The following HIVEP1 variants were observed in gnomAD, a reference collection of about 807,000 sequenced individuals.
HIVEP1 encodes the protein zinc finger protein 40.
Under a neutral mutation model 180.0 loss-of-function variants are expected in HIVEP1, and 36 were observed. The observed-to-expected ratio is 0.20, with a 90% CI of 0.15 to 0.26. The LOEUF is 0.26. Ranked by LOEUF, HIVEP1 falls within the 10% of genes least tolerant of loss-of-function variation. The pLI is 1.00. For synonymous variants in HIVEP1, 1,239 were observed against 1,239.0 expected (o/e 1.00, Z 0.00); for missense variants, 3,143 against 3,268.7 (o/e 0.96, Z 0.94).
chr6:12,038,746 A>C (rs9366948), intron 2 of HIVEP1: 28,463 of 152,436 alleles, frequency 0.19, 2,794 homozygotes, highest in Middle Eastern at 0.34. Context: ...ACCACCACCA[A>C]CAACAACAAC....
At position 12,161,664 on chromosome 6, in the gene HIVEP1, T is replaced by C. The variant is rs558633997; in HGVS notation, c.6713T>C (p.Phe2238Ser). The change falls in exon 8 of 9, where the codon TTT (phenylalanine) becomes TCT (serine). Residue 2238 changes from phenylalanine (F) to serine (S), a missense_variant. Phe to Ser is a radical substitution (Grantham distance 155). Coordinates refer to ENST00000379388, the MANE Select transcript of HIVEP1 (RefSeq NM_002114.4). Reference protein sequence around the residue: ...TDEDVRITDCFSGVHTDPMDV... With the variant: ...TDEDVRITDCSSGVHTDPMDV... Reference sequence around the variant, plus strand: ...GAGGATGTCAGGATCACCGATTGCTTTTCTGGGGTACACACGGACCCAATG... The same window carrying C: ...GAGGATGTCAGGATCACCGATTGCTCTTCTGGGGTACACACGGACCCAATG... The C allele has an allele frequency of 3.1e-6, 5 of 1,614,156 alleles. No homozygotes were observed. Among genetic ancestry groups the C allele is most frequent in the South Asian group, 2.2e-5 (2 of 91,080 alleles).
At chr6:12,160,033 T>C (rs897089241) in intron 7 of HIVEP1, among the ~76,000 whole-genome samples, 1 of 152,218 alleles carries the variant, frequency 6.6e-6, no homozygotes, top group Non-Finnish European at 1.5e-5. Context: ...TCTGTTTACA[T>C]GTTTGTCTCT....
the HIVEP1 span, among the ~76,000 whole-genome samples, chr6:12,192,651 G>A: frequency 6.6e-6 from 1 of 152,068 alleles, no homozygotes; most frequent in Non-Finnish European, 1.5e-5. Context: ...ATGTGAAGAC[G>A]CGCTTGCTTC....
At chr6:12,049,635 T>C (rs1770371961) in intron 2 of HIVEP1, among the ~76,000 whole-genome samples, 1 of 152,206 alleles carries the variant, frequency 6.6e-6, no homozygotes, top group Non-Finnish European at 1.5e-5. Flanking sequence ...GTCTGCTTGC[T>C]CAGATAATAA....
At chr6:12,082,813 A>G (rs191794401) in intron 2 of HIVEP1, among the ~76,000 whole-genome samples, 129 of 152,248 alleles carry the variant, frequency 8.5e-4, no homozygotes, top group African/African-American at 2.9e-3. Flanking sequence ...GAGTATCCTT[A>G]GTGCCGGCAC....
the HIVEP1 span, among the ~76,000 whole-genome samples, chr6:12,186,875 G>A: frequency 6.7e-6 from 1 of 148,982 alleles, no homozygotes; most frequent in Non-Finnish European, 1.5e-5. Flanking sequence ...ATTAAAAGAA[G>A]AGCATGAGCA....
At chr6:12,176,842 T>C in the HIVEP1 span, among the ~76,000 whole-genome samples, 1 of 152,224 alleles carries the variant, frequency 6.6e-6, no homozygotes, top group Non-Finnish European at 1.5e-5. Context: ...TTAGATCCCA[T>C]TTGTCAATTT....
intron 8 of HIVEP1, among the ~76,000 whole-genome samples, chr6:12,162,222 T>TA (rs67198436): frequency 0.098 from 14,346 of 145,990 alleles, 988 homozygotes; most frequent in African/African-American, 0.19. Context: ...TTTTTGAAAT[T>TA]AAAAAAAAAA....
In HIVEP1 at chr6:12,121,449, G is replaced by A. The variant is rs1757651117; in HGVS notation, c.1654G>A (p.Ala552Thr). 6.2e-7 allele frequency: 1 copy of A among 1,614,160 alleles called. No individual in the cohort carries two copies. ...TGACTTTTTGCTACAGGACAGATCTGCAGAATCACAAGCTGTGACAGAGTT... is the reference window on the plus strand; with the variant it reads ...TGACTTTTTGCTACAGGACAGATCTACAGAATCACAAGCTGTGACAGAGTT... ...IGDFLLQDRS[A>T]ESQAVTELPK... The change falls in exon 4 of 9, where the codon GCA becomes ACA. Residue 552 changes from alanine to threonine, a missense_variant. By Grantham distance (58) the Ala-to-Thr change is moderately conservative (BLOSUM62 0). Around this residue, in one of 12 missense-constraint regions of HIVEP1, gnomAD observed 365 missense variants for 344.4 expected, o/e 1.06. Coordinates refer to ENST00000379388, the MANE Select transcript of HIVEP1 (RefSeq NM_002114.4). The surrounding 1 kb of genome is among the most constrained non-coding windows in gnomAD (Gnocchi z 5.3).
intron 3 of HIVEP1, among the ~76,000 whole-genome samples, chr6:12,106,083 C>T (rs1462908129): frequency 2.0e-5 from 3 of 151,472 alleles, no homozygotes; most frequent in East Asian, 1.9e-4. Flanking sequence ...TACACACACA[C>T]ATATATACAT....
intron 2 of HIVEP1, among the ~76,000 whole-genome samples, chr6:12,081,984 C>T (rs1169308721): frequency 6.6e-6 from 1 of 152,144 alleles, no homozygotes; most frequent in East Asian, 1.9e-4. Flanking sequence ...TTTGCATCCT[C>T]TACTGATTTT....
At chr6:12,150,454 T>C (rs2113647649) in intron 7 of HIVEP1, among the ~76,000 whole-genome samples, 1 of 152,358 alleles carries the variant, frequency 6.6e-6, no homozygotes, top group South Asian at 2.1e-4. Context: ...ACAGTAAAGA[T>C]GATGTTTGAT....
chr6:12,020,204 A>C (rs1442144075), intron 2 of HIVEP1: 2 of 425,098 alleles, frequency 4.7e-6, no homozygotes, highest in Non-Finnish European at 9.8e-6. Flanking sequence ...GCCCAGCGTT[A>C]AACCAGATAG....
chr6:12,041,501 A>G (rs1359941417), intron 2 of HIVEP1, among the ~76,000 whole-genome samples: 4 of 147,490 alleles, frequency 2.7e-5, no homozygotes, highest in Non-Finnish European at 4.5e-5. Flanking sequence ...TCTAGCTTAC[A>G]TGTTTTTTTT....
intron 2 of HIVEP1, among the ~76,000 whole-genome samples, chr6:12,028,830 C>T (rs971584955): frequency 2.0e-5 from 3 of 152,154 alleles, no homozygotes; most frequent in Non-Finnish European, 2.9e-5. Context: ...GTCTGTCACC[C>T]CCAAAATTTC....
At position 12,122,830 on chromosome 6, in the gene HIVEP1, A is replaced by G. The variant is rs769284491; in HGVS notation, c.3035A>G (p.His1012Arg). 15 of 1,614,090 alleles carry G rather than the reference A, an allele frequency of 9.3e-6. No homozygotes were observed. The highest frequency in any genetic ancestry group is 1.3e-5 in the Non-Finnish European group (15 of 1,180,012). The stretch of plus-strand genomic sequence containing the variant: ...GGCGGTCTGCAGCCTCAGATTCTAC[A>G]CTACAGAGTCGCTGGGTCCTCCGGC... ...VPGGLQPQILHYRVAGSSGIW... is the reference protein window; with the variant it reads ...VPGGLQPQILRYRVAGSSGIW... Residue 1012 changes from histidine to arginine, a missense_variant, in exon 4 of 9, where the codon CAC becomes CGC. Physicochemically the swap from His to Arg is conservative, Grantham distance 29. Transcript: ENST00000379388.
chr6:12,134,228 AT>A (rs376327894), intron 6 of HIVEP1, among the ~76,000 whole-genome samples: 118 of 152,264 alleles, frequency 7.7e-4, no homozygotes, highest in African/African-American at 2.7e-3. Context: ...TTTGCTTCAT[AT>A]TTTTTTCAGT....
chr6:12,076,526 T>C (rs903402243), intron 2 of HIVEP1, among the ~76,000 whole-genome samples: 1 of 152,190 alleles, frequency 6.6e-6, no homozygotes, highest in African/African-American at 2.4e-5. Flanking sequence ...GCAGCACTGG[T>C]GAGGGCCCTC....
chr6:12,187,097 TA>T, the HIVEP1 span, among the ~76,000 whole-genome samples: 4 of 152,262 alleles, frequency 2.6e-5, no homozygotes, highest in Admixed American at 1.3e-4. Flanking sequence ...AGAGATTTCT[TA>T]AAAATGAAGA....
Sources: gnomAD v4.1 joint callset for allele counts (sites outside exome capture counted in the v4.1 genomes callset) on GRCh38, gnomAD v4.1.1 for gene constraint, gnomAD v4.1.1 regional missense constraint, Gnocchi (gnomAD v3.1) non-coding constraint, MANE v1.5 for transcripts, NCBI Gene and HGNC (gene_info 2026-07-23, HGNC 2026-07-21) for gene names.